KCNIP4: variants seen among roughly 807,000 people sequenced by gnomAD.
KCNIP4 encodes the protein Kv channel-interacting protein 4.
In KCNIP4, 12 loss-of-function variants were observed where a neutral mutation model predicts 34.0. That is an observed-to-expected ratio of 0.35 (90% CI 0.23 to 0.57). The LOEUF is 0.57. KCNIP4 is among the 20% of genes least tolerant of loss of function. The pLI is 0.83. For synonymous variants in KCNIP4, 124 were observed against 102.2 expected (o/e 1.21, Z -1.29); for missense variants, 238 against 311.7 (o/e 0.76, Z 1.78).
At chr4:21,421,012 C>A (rs970149371) in intron 1 of KCNIP4, among the ~76,000 whole-genome samples, 1 of 152,096 alleles carries the variant, frequency 6.6e-6, no homozygotes, top group Admixed American at 6.5e-5. Flanking sequence ...AGAAGACATA[C>A]AAATGGCCAA....
intron 1 of KCNIP4, among the ~76,000 whole-genome samples, chr4:21,373,141 G>A (rs1720645732): frequency 6.8e-6 from 1 of 146,718 alleles, no homozygotes; most frequent in African/African-American, 2.7e-5. Context: ...GAGCAACACA[G>A]CAAGACCTTG....
chr4:21,321,155 A>C (rs2109300811), intron 1 of KCNIP4, among the ~76,000 whole-genome samples: 1 of 152,280 alleles, frequency 6.6e-6, no homozygotes, highest in East Asian at 1.9e-4. Flanking sequence ...CTGGCAAGAT[A>C]AAGAGCCATA....
At chr4:21,347,796 T>G (rs762930530) in intron 1 of KCNIP4, among the ~76,000 whole-genome samples, 1 of 152,146 alleles carries the variant, frequency 6.6e-6, no homozygotes, top group African/African-American at 2.4e-5. Flanking sequence ...TCCTGCTGAA[T>G]AAGAGTAGGG....
intron 1 of KCNIP4, among the ~76,000 whole-genome samples, chr4:21,021,380 A>G (rs1266043814): frequency 1.3e-5 from 2 of 152,122 alleles, no homozygotes; most frequent in African/African-American, 4.8e-5. Flanking sequence ...GGTTACCCTA[A>G]ATTTAACTTA....
chr4:21,135,493 A>G (rs1751433817), intron 1 of KCNIP4, among the ~76,000 whole-genome samples: 1 of 152,184 alleles, frequency 6.6e-6, no homozygotes, highest in Non-Finnish European at 1.5e-5. Flanking sequence ...TTTTTAGTGT[A>G]GAACTTACTG....
intron 1 of KCNIP4, among the ~76,000 whole-genome samples, chr4:21,881,815 T>C (rs1357604622): frequency 6.6e-6 from 1 of 152,182 alleles, no homozygotes; most frequent in East Asian, 1.9e-4. Context: ...TGAGGCATCT[T>C]AGCCTTGACC....
At chr4:21,849,912 A>G (rs1217779811) in intron 1 of KCNIP4, 2 of 152,086 alleles carry the variant, frequency 1.3e-5, no homozygotes, top group Non-Finnish European at 2.9e-5. Flanking sequence ...CCTTCAGGGC[A>G]TAAGTAATGT....
intron 1 of KCNIP4, among the ~76,000 whole-genome samples, chr4:21,651,574 C>A (rs531856522): frequency 2.0e-5 from 3 of 152,230 alleles, no homozygotes; most frequent in Non-Finnish European, 2.9e-5. Context: ...GTCTACCAAC[C>A]CTGGGTAAAG....
intron 1 of KCNIP4, among the ~76,000 whole-genome samples, chr4:20,922,614 CCTGA>C (rs767129348): frequency 2.7e-5 from 4 of 150,038 alleles, no homozygotes; most frequent in Non-Finnish European, 4.4e-5. Flanking sequence ...TCTGGAGAAC[CCTGA>C]CTAATACAGT....
At chr4:21,874,902 T>A (rs545461132) in intron 1 of KCNIP4, among the ~76,000 whole-genome samples, 4 of 152,294 alleles carry the variant, frequency 2.6e-5, no homozygotes, top group African/African-American at 9.6e-5. Flanking sequence ...TCCTCTGGGC[T>A]CATAAGATTT....
At chr4:21,714,832 TTA>T (rs1446745162) in intron 1 of KCNIP4, among the ~76,000 whole-genome samples, 1 of 190 alleles carries the variant, frequency 5.3e-3, no homozygotes, top group African/African-American at 0.1. Context: ...TTATTTTATT[TTA>T]TTTTATTTTA....
rs1028238011 is a variant in KCNIP4 at position 21,157,801 on chromosome 4, C to G, written c.62-275092G>C. Among the ~76,000 whole-genome samples the G allele has an allele frequency of 2.0e-5, 3 of 151,616 alleles. No homozygotes were observed. The East Asian group carries it at 5.8e-4, about 29-fold the overall frequency. ...TAGAAAAAGAAGAGTAAATTAAATC[C>G]CCTGTAAGCAAAAGGTAATGATATT... is the stretch of plus-strand genomic sequence containing the variant. On this transcript the variant is annotated intron_variant, in intron 1 of 8. Coordinates refer to ENST00000382152, the MANE Select transcript of KCNIP4 (RefSeq NM_025221.6).
chr4:21,492,435 G>A (rs922218815), intron 1 of KCNIP4, among the ~76,000 whole-genome samples: 5 of 151,636 alleles, frequency 3.3e-5, no homozygotes, highest in Non-Finnish European at 5.9e-5. Flanking sequence ...TTTTGCCCAG[G>A]CTGCTCTCGA....
At chr4:21,735,403 A>G (rs1270106571) in intron 1 of KCNIP4, among the ~76,000 whole-genome samples, 3 of 152,172 alleles carry the variant, frequency 2.0e-5, no homozygotes, top group Non-Finnish European at 4.4e-5. Context: ...ATTGCATCCT[A>G]ATTATTTTAC....
At chr4:21,287,805 C>A (rs1763210375) in intron 1 of KCNIP4, among the ~76,000 whole-genome samples, 1 of 151,974 alleles carries the variant, frequency 6.6e-6, no homozygotes, top group Admixed American at 6.6e-5. Context: ...TTTCCATCCA[C>A]CTTATCCTGC....
At chr4:21,122,606 T>C (rs1446488257) in intron 1 of KCNIP4, among the ~76,000 whole-genome samples, 2 of 152,180 alleles carry the variant, frequency 1.3e-5, no homozygotes, top group African/African-American at 2.4e-5. Context: ...TTGTTTGATA[T>C]ATGTTGTTCC....
At chr4:21,396,112 T>C (rs564940758) in intron 1 of KCNIP4, among the ~76,000 whole-genome samples, 81 of 149,676 alleles carry the variant, frequency 5.4e-4, no homozygotes, top group African/African-American at 1.9e-3. Context: ...CTATATATAG[T>C]CTATATATAC....
At chr4:21,041,292 T>C (rs916492723) in intron 1 of KCNIP4, among the ~76,000 whole-genome samples, 13 of 151,518 alleles carry the variant, frequency 8.6e-5, no homozygotes, top group African/African-American at 2.9e-4. Context: ...TCATTGGGGC[T>C]TCTCTATTGG....
chr4:21,234,377 A>G (rs1759156985), intron 1 of KCNIP4, among the ~76,000 whole-genome samples: 1 of 110,004 alleles, frequency 9.1e-6, no homozygotes, highest in East Asian at 2.7e-4. Context: ...TATATAACAT[A>G]CATCATACAT....
Sources: gnomAD v4.1 joint callset for allele counts (sites outside exome capture counted in the v4.1 genomes callset) on GRCh38, gnomAD v4.1.1 for gene constraint, MANE v1.5 for transcripts, NCBI Gene and HGNC (gene_info 2026-07-23, HGNC 2026-07-21) for gene names.